UBP1: variants seen among roughly 807,000 people sequenced by gnomAD.
The protein encoded by UBP1 is upstream-binding protein 1.
In UBP1, 22 loss-of-function variants were observed where a neutral mutation model predicts 76.1. That is an observed-to-expected ratio of 0.29 (90% CI 0.21 to 0.41). The LOEUF is 0.41. UBP1 is among the 10% of genes least tolerant of loss of function. The pLI is 1.00. For synonymous variants in UBP1, 224 were observed against 237.1 expected, an observed-to-expected ratio of 0.94 and a Z score of 0.51; for missense variants, 436 against 668.1, an observed-to-expected ratio of 0.65 and a Z score of 3.83.
chr3:33,392,486 C>A, intron 15 of UBP1, 77 bp downstream of exon 15: 1 of 1,228,246 alleles, frequency 8.1e-7, no homozygotes, highest in South Asian at 1.5e-5. Context: ...AAAGAATAAA[C>A]ACGAGAGGCA....
intron 9 of UBP1, among the ~76,000 whole-genome samples, chr3:33,401,509 A>G (rs951893605): frequency 6.6e-6 from 1 of 152,246 alleles, no homozygotes; most frequent in African/African-American, 2.4e-5. Context: ...TCAAGAGAAC[A>G]AAAGAAATTA....
intron 1 of UBP1, among the ~76,000 whole-genome samples, chr3:33,436,411 A>C (rs2045205639): frequency 6.6e-6 from 1 of 152,254 alleles, no homozygotes; most frequent in Non-Finnish European, 1.5e-5. Flanking sequence ...TTGATTTAGC[A>C]AATTATTTGT....
chr3:33,398,748 G>A (rs2044107683), intron 11 of UBP1, among the ~76,000 whole-genome samples: 1 of 152,218 alleles, frequency 6.6e-6, no homozygotes, highest in African/African-American at 2.4e-5. Context: ...ACATGGATTT[G>A]CCTGATGTAA....
At chr3:33,403,794 T>C (rs191264781) in intron 8 of UBP1, 2 of 152,326 alleles carry the variant, frequency 1.3e-5, no homozygotes, top group African/African-American at 4.8e-5. Flanking sequence ...GTCTTCAGAC[T>C]TGAGATACAG....
At position 33,412,843 on chromosome 3, in the gene UBP1, G is replaced by C. The variant is rs114868402; in HGVS notation, c.343-16C>G. The stretch of plus-strand genomic sequence containing the variant: ...TTATGATGCTCTGTGGAATAAGTGC[G>C]GAAAATGAGTACTTTTAAACTGCTC... On this transcript the variant is annotated splice_polypyrimidine_tract_variant and intron_variant, in intron 3 of 15. Transcript: ENST00000283629. 3 of 1,555,496 alleles carry C rather than the reference G, an allele frequency of 1.9e-6. No homozygotes were observed. Among genetic ancestry groups the C allele is most frequent in the Non-Finnish European group, 1.8e-6 (2 of 1,126,682 alleles).
chr3:33,396,681 A>G, intron 12 of UBP1: 1 of 432,936 alleles, frequency 2.3e-6, no homozygotes, highest in East Asian at 5.6e-5. Context: ...CAATTAGTTT[A>G]CATTTTTAAT....
chr3:33,412,703 T>C lies in UBP1; in HGVS notation c.448+19A>G. On this transcript the variant is annotated intron_variant, in intron 4 of 15. Transcript: ENST00000283629. Reference sequence around the variant, plus strand: ...AAACAATACCCTCATCTCCATGGTCTTTTGATCACTGCCTGTACCTAAATC... The same window carrying C: ...AAACAATACCCTCATCTCCATGGTCCTTTGATCACTGCCTGTACCTAAATC... The C allele has an allele frequency of 1.3e-6, 2 of 1,524,478 alleles. No homozygotes were observed. Among genetic ancestry groups the C allele is most frequent in the Non-Finnish European group, 1.8e-6 (2 of 1,098,234 alleles). 94.4% of individuals were successfully genotyped at this position (1,524,478 alleles called of 1,614,324 possible).
intron 11 of UBP1, among the ~76,000 whole-genome samples, chr3:33,398,867 G>A (rs539095926): frequency 2.1e-4 from 32 of 152,178 alleles, no homozygotes; most frequent in African/African-American, 6.5e-4. Flanking sequence ...CCAGCTCCCC[G>A]ACCCTGAAAT....
At chr3:33,400,382 C>A in intron 10 of UBP1, 100 bp from the exon 11 acceptor site, 2 of 841,524 alleles carry the variant, frequency 2.4e-6, no homozygotes, top group Admixed American at 3.5e-5. Context: ...AAAAAACACC[C>A]AAAAAGAGCA....
intron 2 of UBP1, among the ~76,000 whole-genome samples, chr3:33,423,416 T>C (rs908724023): frequency 6.6e-6 from 1 of 152,124 alleles, no homozygotes; most frequent in Non-Finnish European, 1.5e-5. Context: ...ACCTTTTTTC[T>C]GAAAAGACTA....
chr3:33,412,072 A>G (rs1334317567), intron 4 of UBP1, among the ~76,000 whole-genome samples: 1 of 151,888 alleles, frequency 6.6e-6, no homozygotes, highest in African/African-American at 2.4e-5. Flanking sequence ...CTGTAGTCCC[A>G]GCTACTCAAA....
At chr3:33,419,865 T>C (rs2044841840) in intron 2 of UBP1, among the ~76,000 whole-genome samples, 1 of 152,238 alleles carries the variant, frequency 6.6e-6, no homozygotes, top group Non-Finnish European at 1.5e-5. Flanking sequence ...ATTAATGAAA[T>C]ATAAAGTTAA....
intron 1 of UBP1, among the ~76,000 whole-genome samples, chr3:33,438,964 T>C (rs1177411394): frequency 1.3e-5 from 2 of 152,234 alleles, no homozygotes; most frequent in Admixed American, 6.5e-5. Flanking sequence ...TGGTAAACTA[T>C]ATTTCAATAA....
In UBP1 at chr3:33,400,939, A is replaced by G. The variant is rs763142474; in HGVS notation, c.1086+23T>C. 3.8e-6 allele frequency: 6 copies of G among 1,589,358 alleles called. No homozygotes were observed. In the South Asian group the frequency reaches 7.0e-5, roughly 19 times the overall value. ...ATGTAGAACCCTGAAAGCATCAGAT[A>G]GTTTTAGGAGAAAGATACTTACTTC... On this transcript the variant is annotated intron_variant, in intron 10 of 15. Coordinates refer to ENST00000283629, the MANE Select transcript of UBP1 (RefSeq NM_014517.5).
Position 33,409,551 on chromosome 3 carries a change from C to G in UBP1, c.606G>C (p.Lys202Asn). 6.2e-7 allele frequency: 1 copy of G among 1,614,192 alleles called. No homozygotes were observed. Among genetic ancestry groups the G allele is most frequent in the Non-Finnish European group, 8.5e-7 (1 of 1,180,042 alleles). ...EFTPRKHGGE[K>N]GVPFRIQVDT... The stretch of plus-strand genomic sequence containing the variant: ...CAACCTGGATCCTAAAGGGCACTCC[C>G]TTTTCACCTCCGTGCTTCCGTGGAG... The change falls in exon 6 of 16, where the codon AAG (lysine) becomes AAC (asparagine). Residue 202 changes from lysine to asparagine, a missense_variant. By Grantham distance (94) the Lys-to-Asn change is moderately conservative. Transcript: ENST00000283629.
At chr3:33,432,878 A>G (rs925175080) in intron 1 of UBP1, among the ~76,000 whole-genome samples, 2 of 152,230 alleles carry the variant, frequency 1.3e-5, no homozygotes, top group Admixed American at 1.3e-4. Context: ...CTCTGGTTGT[A>G]TAAGTAGGAG....
At chr3:33,439,131 G>A (rs555901880) in intron 1 of UBP1, among the ~76,000 whole-genome samples, 54 of 152,312 alleles carry the variant, frequency 3.5e-4, no homozygotes, top group Non-Finnish European at 6.6e-4. Context: ...TGCAATCACT[G>A]CATCTTAAAA....
chr3:33,405,621 G>A (rs1171616785), intron 8 of UBP1, among the ~76,000 whole-genome samples: 1 of 152,160 alleles, frequency 6.6e-6, no homozygotes, highest in Non-Finnish European at 1.5e-5. Flanking sequence ...GAGGCCAGGA[G>A]TTGGGGATCA....
At chr3:33,417,652 A>T (rs2044763801) in intron 2 of UBP1, among the ~76,000 whole-genome samples, 1 of 152,220 alleles carries the variant, frequency 6.6e-6, no homozygotes, top group African/African-American at 2.4e-5. Flanking sequence ...ATGCTGCTGT[A>T]AAAAAATTAA....
Sources: gnomAD v4.1 joint callset for allele counts (sites outside exome capture counted in the v4.1 genomes callset) on GRCh38, gnomAD v4.1.1 for gene constraint, MANE v1.5 for transcripts, NCBI Gene and HGNC (gene_info 2026-07-23, HGNC 2026-07-21) for gene names.